FMO4: variants seen among roughly 807,000 people sequenced by gnomAD.
FMO4 encodes flavin containing dimethylaniline monoxygenase 4.
Under a neutral mutation model 43.3 loss-of-function variants are expected in FMO4, and 38 were observed. The observed-to-expected ratio is 0.88, with a 90% CI of 0.68 to 1.15. The LOEUF is 1.15. Among genes scored for constraint, FMO4 ranks in the 50% most tolerant of loss-of-function variants. The pLI is 0.00. For synonymous variants in FMO4, 224 were observed against 232.2 expected (o/e 0.96, Z 0.32); for missense variants, 631 against 663.3 (o/e 0.95, Z 0.54).
At chr1:171,330,904 A>G (rs1242691499) in intron 5 of FMO4, among the ~76,000 whole-genome samples, 1 of 152,254 alleles carries the variant, frequency 6.6e-6, no homozygotes, top group Non-Finnish European at 1.5e-5. Flanking sequence ...TGAAAGATCA[A>G]TCAGAAACAA....
chr1:171,325,066 G>A (rs527997067), intron 5 of FMO4, among the ~76,000 whole-genome samples: 4 of 152,188 alleles, frequency 2.6e-5, no homozygotes, highest in African/African-American at 7.2e-5. Context: ...CAAAGATCAC[G>A]TCACTGAACT....
At chr1:171,322,821 C>T (rs569412188) in intron 3 of FMO4, among the ~76,000 whole-genome samples, 183 bp from the exon 4 acceptor site, 2 of 152,306 alleles carry the variant, frequency 1.3e-5, no homozygotes, top group Admixed American at 1.3e-4. Context: ...CCACTGCACT[C>T]TAGCCTGGGT....
intron 3 of FMO4, among the ~76,000 whole-genome samples, chr1:171,322,658 G>C (rs112327894): frequency 0.04 from 6,072 of 152,144 alleles, 399 homozygotes; most frequent in African/African-American, 0.14. Flanking sequence ...TTAGACACCA[G>C]CCTGGCCAAC....
Position 171,319,911 on chromosome 1 carries a change from C to A in FMO4, c.86C>A (p.Thr29Asn). 3.7e-6 allele frequency: 6 copies of A among 1,613,872 alleles called. No individual in the cohort carries two copies. Among genetic ancestry groups the A allele is most frequent in the Non-Finnish European group, 5.1e-6 (6 of 1,179,836 alleles). Residue 29 changes from threonine (T) to asparagine (N), a missense_variant, in exon 3 of 10, where the codon ACC (threonine) becomes AAC (asparagine). By Grantham distance (65) the Thr-to-Asn change is moderately conservative. Coordinates refer to ENST00000367749, the MANE Select transcript of FMO4 (RefSeq NM_002022.3). ...TGTGTGGATGAGGACCTGGAGCCCACCTGCTTTGAGAGAAGTGATGACATT... is the reference window on the plus strand; with the variant it reads ...TGTGTGGATGAGGACCTGGAGCCCAACTGCTTTGAGAGAAGTGATGACATT... Reference protein sequence around the residue: ...KCCVDEDLEPTCFERSDDIGG... With the variant: ...KCCVDEDLEPNCFERSDDIGG...
At chr1:171,341,373 G>A (rs757148477) in intron 9 of FMO4, 40 bp from the exon 10 acceptor site, 1 of 1,499,042 alleles carries the variant, frequency 6.7e-7, no homozygotes, top group Non-Finnish European at 9.2e-7. Flanking sequence ...TGCAGGGCAG[G>A]TGTGATTAAT....
intron 2 of FMO4, among the ~76,000 whole-genome samples, chr1:171,319,612 G>T (rs1455635424): frequency 2.6e-5 from 4 of 152,190 alleles, no homozygotes; most frequent in Admixed American, 2.6e-4. Context: ...GTTAGCCCAA[G>T]ATCACACAGT....
intron 5 of FMO4, among the ~76,000 whole-genome samples, chr1:171,330,301 C>T (rs2267532): frequency 6.6e-6 from 1 of 152,188 alleles, no homozygotes; most frequent in Admixed American, 6.5e-5. Flanking sequence ...CTGGCCTCAT[C>T]ACAATTGTTT....
intron 1 of FMO4, among the ~76,000 whole-genome samples, chr1:171,315,177 A>G (rs1310340024): frequency 6.6e-6 from 1 of 152,212 alleles, no homozygotes; most frequent in Non-Finnish European, 1.5e-5. Context: ...CTGTAGTCTC[A>G]GCTACTCAGG....
At chr1:171,336,513 C>T (rs1020729906) in intron 8 of FMO4, among the ~76,000 whole-genome samples, 1 of 152,146 alleles carries the variant, frequency 6.6e-6, no homozygotes, top group Non-Finnish European at 1.5e-5. Context: ...GCAGACAGAG[C>T]CTGGGTGAGA....
chr1:171,314,510 A>T (rs933117398), intron 1 of FMO4, 97 bp downstream of exon 1: 7 of 152,260 alleles, frequency 4.6e-5, no homozygotes, highest in African/African-American at 1.7e-4. Context: ...CTTAAGAATG[A>T]ATGTGATTAT....
chr1:171,322,864 C>T, intron 3 of FMO4, 140 bp from the exon 4 acceptor site: 1 of 635,874 alleles, frequency 1.6e-6, no homozygotes, highest in Non-Finnish European at 2.7e-6. Context: ...ATCAATCAAT[C>T]AATAAAAGTA....
intron 8 of FMO4, among the ~76,000 whole-genome samples, chr1:171,336,258 A>G (rs1663109679): frequency 6.6e-6 from 1 of 152,078 alleles, no homozygotes; most frequent in African/African-American, 2.4e-5. Context: ...GTGGATAGGG[A>G]CAGTGAAGGG....
Position 171,323,207 on chromosome 1 carries a change from G to A in FMO4, c.321+15G>A. ...TTCAGTTTAAGGTAAGATACTTTGGGTTATGGAAGATGAATAGATGGGGGC... is the reference window on the plus strand; with the variant it reads ...TTCAGTTTAAGGTAAGATACTTTGGATTATGGAAGATGAATAGATGGGGGC... On this transcript the variant is annotated intron_variant, in intron 4 of 9. Transcript: ENST00000367749. The A allele has an allele frequency of 6.3e-7, 1 of 1,582,950 alleles. No individual in the cohort carries two copies.
At chr1:171,324,339 G>T (rs1284369818) in intron 5 of FMO4, 39 bp downstream of exon 5, 3 of 1,516,082 alleles carry the variant, frequency 2.0e-6, no homozygotes, top group Non-Finnish European at 2.7e-6. Context: ...TATGCTTCTG[G>T]GTTCTTCTAG....
intron 5 of FMO4, among the ~76,000 whole-genome samples, chr1:171,327,315 G>A (rs1170091176): frequency 2.6e-5 from 4 of 152,194 alleles, no homozygotes; most frequent in African/African-American, 9.6e-5. Context: ...CCATCTTAAT[G>A]CCTTCTCTTC....
intron 2 of FMO4, among the ~76,000 whole-genome samples, chr1:171,317,220 T>C (rs771366194): frequency 2.3e-4 from 35 of 152,178 alleles, no homozygotes; most frequent in Admixed American, 9.8e-4. Flanking sequence ...GCTCAAAAAA[T>C]ATATGCTCTC....
chr1:171,339,930 C>T (rs1663297584), intron 9 of FMO4, among the ~76,000 whole-genome samples: 1 of 152,114 alleles, frequency 6.6e-6, no homozygotes, highest in South Asian at 2.1e-4. Context: ...TTGCCTGGGC[C>T]ATTGAAATCG....
At chr1:171,320,464 T>A (rs1047654294) in intron 3 of FMO4, among the ~76,000 whole-genome samples, 4 of 152,272 alleles carry the variant, frequency 2.6e-5, no homozygotes, top group Admixed American at 2.0e-4. Flanking sequence ...CCCTGTCACA[T>A]TTTCAGAATA....
Position 171,323,131 on chromosome 1 carries a change from T to G in FMO4, c.260T>G (p.Phe87Cys). 1 of 1,613,596 alleles carries G rather than the reference T, an allele frequency of 6.2e-7. No homozygotes were observed. The highest frequency in any genetic ancestry group is 8.5e-7 in the Non-Finnish European group (1 of 1,179,578). ...CCTAATTTCATGAACCATGAAAAAT[T>G]TTGGGACTATCTCCAAGAATTTGCT... ...DYPNFMNHEK[F>C]WDYLQEFAEH... Residue 87 changes from phenylalanine to cysteine, a missense_variant, in exon 4 of 10, where the codon TTT becomes TGT. Coordinates refer to ENST00000367749, the MANE Select transcript of FMO4 (RefSeq NM_002022.3).
Sources: gnomAD v4.1 joint callset for allele counts (sites outside exome capture counted in the v4.1 genomes callset) on GRCh38, gnomAD v4.1.1 for gene constraint, MANE v1.5 for transcripts, NCBI Gene and HGNC (gene_info 2026-07-23, HGNC 2026-07-21) for gene names.